Variants in VPS4A observed in about 807,000 individuals in gnomAD.
VPS4A encodes the protein vacuolar protein sorting-associated protein 4A.
VPS4A carries 20 observed loss-of-function variants against 52.3 expected under a neutral mutation model. The ratio of observed to expected loss-of-function variants is 0.38; its 90% confidence interval spans 0.27 to 0.56. VPS4A has a LOEUF of 0.56. VPS4A is among the 20% of genes least tolerant of loss of function. VPS4A has a pLI of 0.72. For missense variants in VPS4A, 419 were observed against 575.9 expected, an observed-to-expected ratio of 0.73 and a Z score of 2.79; for synonymous variants, 293 against 227.7, an observed-to-expected ratio of 1.29 and a Z score of -2.58.
At chr16:69,318,007 CTT>C (rs71148992) in intron 3 of VPS4A, among the ~76,000 whole-genome samples, 11,385 of 125,858 alleles carry the variant, frequency 0.09, 820 homozygotes, top group African/African-American at 0.21. Flanking sequence ...GTTTGACTGG[CTT>C]TTTTTTTTTT....
chr16:69,318,445 T>G lies in VPS4A; in HGVS notation c.282-205T>G, dbSNP rs1965465346. On this transcript the variant is annotated intron_variant, in intron 3 of 10. Transcript: ENST00000254950. ...GAAGAAACAGGGCGGGTTATAGGAGTGTTTGCTGGGGGGGTCCTGAAGTGA... is the reference window on the plus strand; with the variant it reads ...GAAGAAACAGGGCGGGTTATAGGAGGGTTTGCTGGGGGGGTCCTGAAGTGA... 2.6e-5 allele frequency among the ~76,000 whole-genome samples: 4 copies of G among 151,854 alleles called. No homozygotes were observed. In the South Asian group the frequency reaches 8.3e-4, roughly 32 times the overall value.
rs913246664 is a variant in VPS4A at position 69,324,826 on chromosome 16, C to G, written c.*517C>G. Reference sequence around the variant, plus strand: ...CCCAGCCCAAGCTCTGCCTCAAAGACCGAGTGACATAAGCCATTCCCACCC... The same window carrying G: ...CCCAGCCCAAGCTCTGCCTCAAAGAGCGAGTGACATAAGCCATTCCCACCC... On this transcript the variant is annotated 3_prime_UTR_variant, in exon 11 of 11. Transcript: ENST00000254950. 5.6e-6 allele frequency: 1 copy of G among 179,666 alleles called. No individual in the cohort carries two copies. The highest frequency in any genetic ancestry group is 2.3e-5 in the African/African-American group (1 of 42,756). 11.1% of individuals were successfully genotyped at this position (179,666 alleles called of 1,614,324 possible).
At chr16:69,311,606 G>A (rs988371201) in intron 1 of VPS4A, 74 bp downstream of exon 1, 244 of 1,225,634 alleles carry the variant, frequency 2.0e-4, no homozygotes, top group Non-Finnish European at 2.4e-4. Flanking sequence ...CCGGGCGGCG[G>A]GCGGGTGGTC....
intron 4 of VPS4A, 31 bp from the exon 5 acceptor site, chr16:69,318,792 G>T (rs771656205): frequency 6.3e-7 from 1 of 1,584,284 alleles, no homozygotes; most frequent in Non-Finnish European, 8.5e-7. Flanking sequence ...CCTTGGCCGG[G>T]CCCGGGCCCG....
In VPS4A at chr16:69,319,548, G is replaced by C. The variant is rs185142175; in HGVS notation, c.620+5G>C. 1 of 1,609,936 alleles carries C rather than the reference G, an allele frequency of 6.2e-7. No individual in the cohort carries two copies. The highest frequency in any genetic ancestry group is 1.3e-5 in the African/African-American group (1 of 74,934). On this transcript the variant is annotated splice_donor_5th_base_variant and intron_variant, in intron 6 of 10. Transcript: ENST00000254950. The stretch of plus-strand genomic sequence containing the variant: ...GTGGCTGGGGGAGAGTGAAAAGTAA[G>C]TCGGCCACCAGGCCATGCTCTGCCA...
rs563990305 is a variant in VPS4A at position 69,318,567 on chromosome 16, G to C, written c.282-83G>C. The stretch of plus-strand genomic sequence containing the variant: ...GGCTTCGTTCCTTAACCAGTGTGCA[G>C]GCAGCGGAGCCTGGACTTGCTGGGA... On this transcript the variant is annotated intron_variant, in intron 3 of 10. Transcript: ENST00000254950. 2.8e-5 allele frequency: 41 copies of C among 1,460,706 alleles called. No individual in the cohort carries two copies. The African/African-American group carries it at 4.6e-4, about 17-fold the overall frequency. 90.5% of individuals were successfully genotyped at this position (1,460,706 alleles called of 1,614,324 possible). A position where few individuals can be genotyped will look rare whatever the true frequency, so the allele number is the denominator to read the frequency against.
At chr16:69,322,408 G>C in intron 9 of VPS4A, 152 bp from the exon 10 acceptor site, 1 of 752,612 alleles carries the variant, frequency 1.3e-6, no homozygotes, top group Non-Finnish European at 2.0e-6. Context: ...TGAGTCGCTC[G>C]GACCACCCAG....
chr16:69,318,845 C>T lies in VPS4A; in HGVS notation c.366C>T (p.Pro122=). 2 of 1,613,554 alleles carry T rather than the reference C, an allele frequency of 1.2e-6. No individual in the cohort carries two copies. Among genetic ancestry groups the T allele is most frequent in the Non-Finnish European group, 1.7e-6 (2 of 1,179,736 alleles). ...QLMGAVVMEK[P]NIRWNDVAGL... ...CAGGTGCCGTCGTGATGGAGAAGCC[C>T]AACATACGGTGGAACGACGTGGCCG... is the stretch of plus-strand genomic sequence containing the variant. Residue 122 remains proline (P), a synonymous_variant, in exon 5 of 11, where the codon CCC becomes CCT. Coordinates refer to ENST00000254950, the MANE Select transcript of VPS4A (RefSeq NM_013245.3).
At position 69,324,463 on chromosome 16, in the gene VPS4A, A is replaced by G; in HGVS notation, c.*154A>G. On this transcript the variant is annotated 3_prime_UTR_variant, in exon 11 of 11. Coordinates refer to ENST00000254950, the MANE Select transcript of VPS4A (RefSeq NM_013245.3). ...GGCCGTCTGCCAGGGAGCCAGAAGGAAGGGCCTTGCAGCCACAGAGACACT... is the reference window on the plus strand; with the variant it reads ...GGCCGTCTGCCAGGGAGCCAGAAGGGAGGGCCTTGCAGCCACAGAGACACT... The G allele has an allele frequency of 5.1e-6, 4 of 788,518 alleles. No individual in the cohort carries two copies. The highest frequency in any genetic ancestry group is 8.2e-6 in the Non-Finnish European group (4 of 486,176). 48.8% of individuals were successfully genotyped at this position (788,518 alleles called of 1,614,324 possible). A position where few individuals can be genotyped will look rare whatever the true frequency, so the allele number is the denominator to read the frequency against.
intron 3 of VPS4A, among the ~76,000 whole-genome samples, chr16:69,316,853 A>C (rs2143252420): frequency 6.6e-6 from 1 of 152,336 alleles, no homozygotes; most frequent in East Asian, 1.9e-4. Flanking sequence ...GGCTCGGGTT[A>C]GGAGCCCTGC....
intron 6 of VPS4A, 24 bp downstream of exon 6, chr16:69,319,567 T>C (rs1965484759): frequency 6.2e-7 from 1 of 1,601,118 alleles, no homozygotes; most frequent in Admixed American, 1.7e-5. Flanking sequence ...CAGGCCATGC[T>C]CTGCCAGCAG....
At chr16:69,319,308 G>A in intron 5 of VPS4A, 79 bp from the exon 6 acceptor site, 1 of 1,571,418 alleles carries the variant, frequency 6.4e-7, no homozygotes, top group Middle Eastern at 1.7e-4. Flanking sequence ...TTTACTGTAT[G>A]TATGGGACTC....
intron 10 of VPS4A, chr16:69,323,683 C>T (rs1965542829): frequency 4.4e-6 from 2 of 455,192 alleles, no homozygotes; most frequent in African/African-American, 2.0e-5. Flanking sequence ...GGCGCCGTGG[C>T]TCCCGCCTGT....
In VPS4A at chr16:69,319,404, CGGG is replaced by C; in HGVS notation, c.484_486del (p.Gly162del). 1 of 1,613,940 alleles carries C rather than the reference CGGG, an allele frequency of 6.2e-7. No homozygotes were observed. The highest frequency in any genetic ancestry group is 8.5e-7 in the Non-Finnish European group (1 of 1,179,838). On this transcript the variant is annotated inframe_deletion, in exon 6 of 11. Coordinates refer to ENST00000254950, the MANE Select transcript of VPS4A (RefSeq NM_013245.3). ...TGTTGCAGGCAAGCGCACCCCCTGG[CGGG>C]GGATTCTGCTGTTCGGACCCCCTGG...
intron 1 of VPS4A, among the ~76,000 whole-genome samples, chr16:69,315,486 G>T (rs1004772354): frequency 1.3e-5 from 2 of 152,190 alleles, no homozygotes; most frequent in African/African-American, 4.8e-5. Flanking sequence ...AAGCTGCATG[G>T]AGCCAGGAGG....
chr16:69,318,023 TC>T (rs1390859458), intron 3 of VPS4A, among the ~76,000 whole-genome samples: 3 of 94,924 alleles, frequency 3.2e-5, no homozygotes, highest in East Asian at 3.6e-4. Flanking sequence ...TTTTTTTTTT[TC>T]CCCCAGACAG....
Position 69,320,437 on chromosome 16 carries a change from A to T in VPS4A, c.769+148A>T, listed in dbSNP as rs544427722. On this transcript the variant is annotated intron_variant, in intron 7 of 10. Coordinates refer to ENST00000254950, the MANE Select transcript of VPS4A (RefSeq NM_013245.3). This position sits in a 1 kb window ranked among gnomAD's most constrained non-coding sequence, Gnocchi z 4.2. ...CCCCTCAGGGCACGGGTGGACTTCA[A>T]TTCCCAAGAGGTGCCTGAGGCCTCT... 3 of 1,213,546 alleles carry T rather than the reference A, an allele frequency of 2.5e-6. No individual in the cohort carries two copies. In the African/African-American group the frequency reaches 4.6e-5, roughly 19 times the overall value. 75.2% of individuals were successfully genotyped at this position (1,213,546 alleles called of 1,614,324 possible).
Position 69,324,478 on chromosome 16 carries a change from A to C in VPS4A, c.*169A>C. On this transcript the variant is annotated 3_prime_UTR_variant, in exon 11 of 11. Transcript: ENST00000254950. ...AGCCAGAAGGAAGGGCCTTGCAGCC[A>C]CAGAGACACTCCACTGCCCTGGGGC... 2.9e-6 allele frequency: 2 copies of C among 681,932 alleles called. No individual in the cohort carries two copies. The highest frequency in any genetic ancestry group is 5.5e-5 in the East Asian group (2 of 36,418). The allele number at this position is 681,932 out of a possible 1,614,324, so 42.2% of individuals were successfully genotyped here.
chr16:69,320,616 G>C lies in VPS4A; in HGVS notation c.770-72G>C. On this transcript the variant is annotated intron_variant, in intron 7 of 10. Transcript: ENST00000254950. This position sits in a 1 kb window ranked among gnomAD's most constrained non-coding sequence, Gnocchi z 4.2. ...AATTGCTGACACACAAAGCCCCCGGGGTCTGTCCCCAGGTTTCAACTGACC... is the reference window on the plus strand; with the variant it reads ...AATTGCTGACACACAAAGCCCCCGGCGTCTGTCCCCAGGTTTCAACTGACC... 7.4e-7 allele frequency: 1 copy of C among 1,344,478 alleles called. No homozygotes were observed. Among genetic ancestry groups the C allele is most frequent in the Non-Finnish European group, 1.0e-6 (1 of 967,894 alleles). The allele number at this position is 1,344,478 out of a possible 1,614,324, so 83.3% of individuals were successfully genotyped here.
Sources: allele counts gnomAD v4.1 joint callset (sites outside exome capture counted in the v4.1 genomes callset), GRCh38; gene constraint gnomAD v4.1.1; non-coding constraint Gnocchi (gnomAD v3.1); transcripts MANE v1.5; gene names NCBI Gene and HGNC (gene_info 2026-07-23, HGNC 2026-07-21).